DAB2IP: variants seen among roughly 807,000 people sequenced by gnomAD.
The protein encoded by DAB2IP is disabled homolog 2-interacting protein.
In DAB2IP, 28 loss-of-function variants were observed where a neutral mutation model predicts 107.2. That is an observed-to-expected ratio of 0.26 (90% confidence interval 0.19 to 0.36). The LOEUF (loss-of-function observed/expected upper bound fraction) is 0.36, where lower values mean the gene tolerates loss of function less well. Ranked by LOEUF, DAB2IP falls within the 10% of genes least tolerant of loss-of-function variation. The pLI is 1.00. For synonymous variants in DAB2IP, 755 were observed against 706.4 expected (o/e 1.07, Z -1.09); for missense variants, 1,400 against 1,644.7 (o/e 0.85, Z 2.57).
intron 1 of DAB2IP, among the ~76,000 whole-genome samples, chr9:121,585,673 C>A (rs1157564157): frequency 6.6e-6 from 1 of 152,016 alleles, no homozygotes; most frequent in African/African-American, 2.4e-5. Flanking sequence ...GCCAGGGCAG[C>A]AAGATCCCTG....
chr9:121,679,313 C>A (rs993987917), intron 2 of DAB2IP, among the ~76,000 whole-genome samples: 4 of 151,980 alleles, frequency 2.6e-5, no homozygotes, highest in Admixed American at 2.0e-4. Flanking sequence ...CCCACAAGCA[C>A]ACAGACTTTT....
At chr9:121,655,084 G>C (rs934135522) in intron 1 of DAB2IP, among the ~76,000 whole-genome samples, 1 of 152,246 alleles carries the variant, frequency 6.6e-6, no homozygotes, top group South Asian at 2.1e-4. Context: ...TTCCCCATCT[G>C]AAGGATGGGC....
chr9:121,621,636 CTTTTTTTT>C (rs538942620), intron 1 of DAB2IP, among the ~76,000 whole-genome samples: 2 of 134,880 alleles, frequency 1.5e-5, no homozygotes, highest in African/African-American at 5.7e-5. Context: ...TCTTTTTTTC[CTTTTTTTT>C]TTTTTTTTTT....
chr9:121,691,188 C>T lies in DAB2IP; in HGVS notation c.229-8137C>T, dbSNP rs551757049. 2.6e-5 allele frequency among the ~76,000 whole-genome samples: 4 copies of T among 152,364 alleles called. No homozygotes were observed. The South Asian group carries it at 8.3e-4, about 32-fold the overall frequency. On this transcript the variant is annotated intron_variant, in intron 2 of 15. Transcript: ENST00000408936. ...GAGAATACCTGCCAGGCGTCCAGCA[C>T]TGGAGACCCAGGTTGCCATGGCCCC... is the stretch of plus-strand genomic sequence containing the variant.
chr9:121,721,521 C>T (rs545691556), intron 3 of DAB2IP, among the ~76,000 whole-genome samples: 13 of 152,222 alleles, frequency 8.5e-5, no homozygotes, highest in Non-Finnish European at 1.8e-4. Context: ...CTGTGTCCAT[C>T]TGGAGAGTAC....
intron 3 of DAB2IP, among the ~76,000 whole-genome samples, chr9:121,731,955 A>G (rs1372381865): frequency 6.6e-6 from 1 of 152,064 alleles, no homozygotes; most frequent in Non-Finnish European, 1.5e-5. Context: ...GGTGGGGTGG[A>G]CGCAGGACTT....
At chr9:121,588,608 AAG>A (rs1291939637) in intron 1 of DAB2IP, among the ~76,000 whole-genome samples, 7 of 2,122 alleles carry the variant, frequency 3.3e-3, no homozygotes, top group Non-Finnish European at 9.6e-3. Flanking sequence ...GGGAATGGGG[AAG>A]AGGGAAGGGA....
At chr9:121,636,308 C>T (rs1261789071) in intron 1 of DAB2IP, among the ~76,000 whole-genome samples, 1 of 152,228 alleles carries the variant, frequency 6.6e-6, no homozygotes, top group African/African-American at 2.4e-5. Flanking sequence ...GCCAGACCTC[C>T]TGCTCTGGCC....
intron 1 of DAB2IP, among the ~76,000 whole-genome samples, chr9:121,627,648 G>A (rs963178329): frequency 2.0e-5 from 3 of 152,210 alleles, no homozygotes; most frequent in Non-Finnish European, 4.4e-5. Context: ...CTGGGCTAGG[G>A]CTGGGGCAGA....
intron 3 of DAB2IP, among the ~76,000 whole-genome samples, chr9:121,700,983 G>A (rs941983776): frequency 1.3e-5 from 2 of 152,340 alleles, no homozygotes; most frequent in African/African-American, 4.8e-5. Flanking sequence ...CTGGGCGGCA[G>A]GCCACCCGGT....
chr9:121,603,688 T>A (rs1419341768), intron 1 of DAB2IP, among the ~76,000 whole-genome samples: 1 of 152,194 alleles, frequency 6.6e-6, no homozygotes, highest in Non-Finnish European at 1.5e-5. Context: ...TCAGGCTGTG[T>A]GATCTTGGGC....
At chr9:121,755,042 C>T (rs1439518521) in intron 3 of DAB2IP, among the ~76,000 whole-genome samples, 1 of 152,234 alleles carries the variant, frequency 6.6e-6, no homozygotes, top group Admixed American at 6.5e-5. Flanking sequence ...AGGTATGAAG[C>T]CCCATGTGGG....
rs1835181777 is a variant in DAB2IP at position 121,776,122 on chromosome 9, TC to T, written c.3121-74del. On this transcript the variant is annotated intron_variant, in intron 13 of 15. Coordinates refer to ENST00000408936, the Ensembl canonical transcript of DAB2IP. The surrounding 1 kb of genome is among the most constrained non-coding windows in gnomAD (Gnocchi z 5.4). ...TTCAAGTGGGGCTCCCTCCTACCCTTCCTCCCACTCGGGCTGACGAAGCTGT... is the reference window on the plus strand; with the variant it reads ...TTCAAGTGGGGCTCCCTCCTACCCTTCTCCCACTCGGGCTGACGAAGCTGT... The T allele has an allele frequency of 6.6e-7, 1 of 1,510,840 alleles. No homozygotes were observed. The highest frequency in any genetic ancestry group is 1.8e-4 in the Middle Eastern group (1 of 5,446). 93.6% of individuals were successfully genotyped at this position (1,510,840 alleles called of 1,614,324 possible).
chr9:121,574,386 C>A (rs556331), intron 1 of DAB2IP, among the ~76,000 whole-genome samples: 40,601 of 151,982 alleles, frequency 0.27, 5,892 homozygotes, highest in African/African-American at 0.31. Context: ...AATCTAGATC[C>A]CTTCCATCTT....
At chr9:121,686,096 C>G (rs1828864589) in intron 2 of DAB2IP, among the ~76,000 whole-genome samples, 1 of 152,168 alleles carries the variant, frequency 6.6e-6, no homozygotes, top group Non-Finnish European at 1.5e-5. Context: ...CTTCAGTGGG[C>G]AGAGACCAAG....
At chr9:121,781,859 G>T (rs903728395) in intron 15 of DAB2IP, among the ~76,000 whole-genome samples, 2 of 152,176 alleles carry the variant, frequency 1.3e-5, no homozygotes, top group Non-Finnish European at 2.9e-5. Flanking sequence ...AGGCAGGCTG[G>T]TCAGAGGGAG....
At chr9:121,670,879 G>A (rs1426762332) in intron 1 of DAB2IP, among the ~76,000 whole-genome samples, 5 of 151,804 alleles carry the variant, frequency 3.3e-5, no homozygotes, top group South Asian at 2.1e-4. Flanking sequence ...TAGGCCGGGC[G>A]TGGTGGCTGA....
intron 3 of DAB2IP, among the ~76,000 whole-genome samples, chr9:121,746,661 G>C (rs1185647109): frequency 6.6e-6 from 1 of 152,134 alleles, no homozygotes; most frequent in Non-Finnish European, 1.5e-5. Context: ...CCGCATTCTA[G>C]GGGGGGCCCA....
At chr9:121,629,843 G>A (rs1743245367) in intron 1 of DAB2IP, among the ~76,000 whole-genome samples, 1 of 152,160 alleles carries the variant, frequency 6.6e-6, no homozygotes, top group Non-Finnish European at 1.5e-5. Flanking sequence ...TGGGTTCTGA[G>A]ACAAATCCTC....
Sources: allele counts gnomAD v4.1 joint callset (sites outside exome capture counted in the v4.1 genomes callset), GRCh38; gene constraint gnomAD v4.1.1; non-coding constraint Gnocchi (gnomAD v3.1); transcripts MANE v1.5; gene names NCBI Gene and HGNC (gene_info 2026-07-23, HGNC 2026-07-21).